Variants in ZDHHC2 observed in about 807,000 individuals in gnomAD.
ZDHHC2 encodes the protein zDHHC palmitoyltransferase 2.
ZDHHC2 carries 51 observed loss-of-function variants against 55.6 expected under a neutral mutation model. The ratio of observed to expected loss-of-function variants is 0.92; its 90% CI spans 0.73 to 1.16. The LOEUF (loss-of-function observed/expected upper bound fraction) is 1.16. ZDHHC2 is among the 50% of genes most tolerant of loss of function. ZDHHC2 has a pLI of 0.00. For synonymous variants in ZDHHC2, 199 were observed against 152.9 expected (o/e 1.30, Z -2.22); for missense variants, 491 against 442.4 (o/e 1.11, Z -0.99).
chr8:17,201,481 C>CTTTTTTTTTTTT (rs1171396792), intron 6 of ZDHHC2, among the ~76,000 whole-genome samples: 17 of 24,334 alleles, frequency 7.0e-4, no homozygotes, highest in Non-Finnish European at 1.2e-3. Context: ...CTCTCTCTCT[C>CTTTTTTTTTTTT]TTTTTTTTTT....
At chr8:17,212,034 A>G (rs1229310901) in intron 10 of ZDHHC2, among the ~76,000 whole-genome samples, 1 of 152,136 alleles carries the variant, frequency 6.6e-6, no homozygotes, top group African/African-American at 2.4e-5. Flanking sequence ...TAAGGGCACC[A>G]TGAGATTTGG....
At chr8:17,192,856 C>A (rs1316060919) in intron 3 of ZDHHC2, among the ~76,000 whole-genome samples, 1 of 152,206 alleles carries the variant, frequency 6.6e-6, no homozygotes, top group Non-Finnish European at 1.5e-5. Context: ...GTTTCCCCAG[C>A]AGCACTTACT....
At chr8:17,198,881 C>A (rs1045578859) in intron 6 of ZDHHC2, among the ~76,000 whole-genome samples, 12 of 152,156 alleles carry the variant, frequency 7.9e-5, no homozygotes, top group Non-Finnish European at 1.5e-4. Flanking sequence ...TAAATTTAAA[C>A]AAGATTTTCC....
chr8:17,203,969 A>T lies in ZDHHC2; in HGVS notation c.477-1686A>T, dbSNP rs547174813. 9.2e-5 allele frequency among the ~76,000 whole-genome samples: 14 copies of T among 152,092 alleles called. No homozygotes were observed. The South Asian group carries it at 2.9e-3, about 32-fold the overall frequency. On this transcript the variant is annotated intron_variant, in intron 6 of 12. Coordinates refer to ENST00000262096, the MANE Select transcript of ZDHHC2 (RefSeq NM_016353.5). Reference sequence around the variant, plus strand: ...ACTACAGGCGTGTACTACCACGCCCAGCTAATTTTTGTATTTTTAGTAGAG... The same window carrying T: ...ACTACAGGCGTGTACTACCACGCCCTGCTAATTTTTGTATTTTTAGTAGAG...
At chr8:17,160,670 G>T (rs1341041017) in intron 1 of ZDHHC2, among the ~76,000 whole-genome samples, 1 of 152,196 alleles carries the variant, frequency 6.6e-6, no homozygotes, top group Non-Finnish European at 1.5e-5. Context: ...CGTTTACAGA[G>T]AGTTGACAGA....
chr8:17,182,165 TAAA>T (rs1421328447), intron 1 of ZDHHC2, among the ~76,000 whole-genome samples: 3 of 152,196 alleles, frequency 2.0e-5, no homozygotes, highest in Non-Finnish European at 2.9e-5. Context: ...TGGCAAGTGA[TAAA>T]AATGTTGCTA....
In ZDHHC2 at chr8:17,156,740, C is replaced by G; in HGVS notation, c.17C>G (p.Pro6Arg). The change falls in exon 1 of 13, where the codon CCG (proline) becomes CGG (arginine). Residue 6 changes from proline (P) to arginine (R), a missense_variant. By Grantham distance (103) the Pro-to-Arg change is moderately radical. Transcript: ENST00000262096. Reference sequence around the variant, plus strand: ...GGCTGGAAGATGGCGCCCTCGGGCCCGGGCAGCAGCGCCAGGCGGCGGTGC... The same window carrying G: ...GGCTGGAAGATGGCGCCCTCGGGCCGGGGCAGCAGCGCCAGGCGGCGGTGC... Reference protein sequence around the residue: MAPSGPGSSARRRCRR... With the variant: MAPSGRGSSARRRCRR... 6.7e-7 allele frequency: 1 copy of G among 1,489,856 alleles called. No individual in the cohort carries two copies. Among genetic ancestry groups the G allele is most frequent in the Non-Finnish European group, 8.9e-7 (1 of 1,118,232 alleles). 92.3% of individuals were successfully genotyped at this position (1,489,856 alleles called of 1,614,324 possible). A position where few individuals can be genotyped will look rare whatever the true frequency, so the allele number is the denominator to read the frequency against.
chr8:17,178,403 A>T (rs2150898248), intron 1 of ZDHHC2, among the ~76,000 whole-genome samples: 1 of 152,282 alleles, frequency 6.6e-6, no homozygotes, highest in East Asian at 1.9e-4. Context: ...ATATATACAC[A>T]TACACACACA....
At chr8:17,195,453 A>G (rs1281314118) in intron 3 of ZDHHC2, 51 bp from the exon 4 acceptor site, 2 of 1,555,448 alleles carry the variant, frequency 1.3e-6, no homozygotes, top group African/African-American at 2.7e-5. Context: ...GAAGACCAAT[A>G]TGTTATAATT....
chr8:17,160,508 A>G (rs1804284966), intron 1 of ZDHHC2, among the ~76,000 whole-genome samples: 1 of 152,232 alleles, frequency 6.6e-6, no homozygotes, highest in African/African-American at 2.4e-5. Flanking sequence ...CCACAAGTTC[A>G]ATGTCCTTCC....
intron 6 of ZDHHC2, among the ~76,000 whole-genome samples, chr8:17,205,219 G>A (rs1020250859): frequency 2.6e-5 from 4 of 152,168 alleles, no homozygotes; most frequent in African/African-American, 7.2e-5. Context: ...CATGCAAAGA[G>A]TAATTTGTGA....
Position 17,156,665 on chromosome 8 carries a change from C to T in ZDHHC2, c.-59C>T. ...CCAGGGGTGCCGGGCCCGCCCAGCC[C>T]GCCCCGGAGCCAGGCCCGCGGGCGG... On this transcript the variant is annotated 5_prime_UTR_variant, in exon 1 of 13. Coordinates refer to ENST00000262096, the MANE Select transcript of ZDHHC2 (RefSeq NM_016353.5). 1 of 1,192,236 alleles carries T rather than the reference C, an allele frequency of 8.4e-7. No homozygotes were observed. The highest frequency in any genetic ancestry group is 1.0e-6 in the Non-Finnish European group (1 of 964,556). 73.9% of individuals were successfully genotyped at this position (1,192,236 alleles called of 1,614,324 possible). A position where few individuals can be genotyped will look rare whatever the true frequency, so the allele number is the denominator to read the frequency against.
In ZDHHC2 at chr8:17,221,741, A is replaced by G. The variant is rs1204895603; in HGVS notation, c.*1520A>G. The G allele has an allele frequency of 6.6e-6, 1 of 152,520 alleles. No homozygotes were observed. The highest frequency in any genetic ancestry group is 2.4e-5 in the African/African-American group (1 of 41,454). The allele number at this position is 152,520 out of a possible 1,614,324, so 9.4% of individuals were successfully genotyped here. A position where few individuals can be genotyped will look rare whatever the true frequency, so the allele number is the denominator to read the frequency against. The stretch of plus-strand genomic sequence containing the variant: ...TTTATAGTTTGAGTGCAATTCTTTG[A>G]ACAATAGAAATATCTGCAGTCTTTC... On this transcript the variant is annotated 3_prime_UTR_variant, in exon 13 of 13. Coordinates refer to ENST00000262096, the MANE Select transcript of ZDHHC2 (RefSeq NM_016353.5).
At chr8:17,201,690 G>A (rs138348518) in intron 6 of ZDHHC2, among the ~76,000 whole-genome samples, 2,494 of 148,472 alleles carry the variant, frequency 0.017, 64 homozygotes, top group African/African-American at 0.057. Context: ...GTATTTTTGG[G>A]TTTCACGGTG....
At chr8:17,192,681 T>C (rs1487695799) in intron 3 of ZDHHC2, among the ~76,000 whole-genome samples, 1 of 152,208 alleles carries the variant, frequency 6.6e-6, no homozygotes, top group Non-Finnish European at 1.5e-5. Context: ...TGAGGTATGA[T>C]TCAAGAAATC....
At chr8:17,203,634 A>G (rs1300339121) in intron 6 of ZDHHC2, among the ~76,000 whole-genome samples, 4 of 152,144 alleles carry the variant, frequency 2.6e-5, no homozygotes. Context: ...TCCTTTTGAG[A>G]CAGAATACAG....
intron 1 of ZDHHC2, among the ~76,000 whole-genome samples, chr8:17,167,090 G>T (rs1280190921): frequency 1.3e-5 from 2 of 152,066 alleles, no homozygotes; most frequent in Admixed American, 1.3e-4. Flanking sequence ...CTAACACAGA[G>T]GTTAACACGT....
At chr8:17,165,249 G>A (rs571981890) in intron 1 of ZDHHC2, among the ~76,000 whole-genome samples, 1 of 152,286 alleles carries the variant, frequency 6.6e-6, no homozygotes, top group East Asian at 1.9e-4. Flanking sequence ...TTACTACTAA[G>A]TGGGCAACTC....
chr8:17,217,573 GAAT>G (rs1807708735), intron 12 of ZDHHC2, among the ~76,000 whole-genome samples: 1 of 152,098 alleles, frequency 6.6e-6, no homozygotes, highest in Non-Finnish European at 1.5e-5. Flanking sequence ...TAGGAAGTTA[GAAT>G]AATTATTTTT....
Sources: allele counts gnomAD v4.1 joint callset (sites outside exome capture counted in the v4.1 genomes callset), GRCh38; gene constraint gnomAD v4.1.1; transcripts MANE v1.5; gene names NCBI Gene and HGNC (gene_info 2026-07-23, HGNC 2026-07-21).